The following SERGEF variants were observed in gnomAD, a reference collection of about 807,000 sequenced individuals.
The protein encoded by SERGEF is secretion regulating guanine nucleotide exchange factor, also known as secretion-regulating guanine nucleotide exchange factor.
In SERGEF, 51 loss-of-function variants were observed where a neutral mutation model predicts 50.0. That is an observed-to-expected ratio of 1.02 (90% confidence interval 0.81 to 1.29). The LOEUF (loss-of-function observed/expected upper bound fraction) is 1.29, where lower values mean the gene tolerates loss of function less well. Ranked by LOEUF, SERGEF falls within the 50% of genes most tolerant of loss-of-function variation. The pLI is 0.00. For synonymous variants in SERGEF, 205 were observed against 212.4 expected, an observed-to-expected ratio of 0.97 and a Z score of 0.30; for missense variants, 521 against 557.0, an observed-to-expected ratio of 0.94 and a Z score of 0.65.
Position 17,959,467 on chromosome 11 carries a change from T to C in SERGEF, c.1011+3A>G. 1 of 1,612,292 alleles carries C rather than the reference T, an allele frequency of 6.2e-7. No individual in the cohort carries two copies. Among genetic ancestry groups the C allele is most frequent in the Non-Finnish European group, 8.5e-7 (1 of 1,179,208 alleles). ...ATTACATCTGTGAGAAGTCACTTCC[T>C]ACCTCAGTTGCTCCAGTTAAGCAAT... On this transcript the variant is annotated splice_donor_region_variant and intron_variant, in intron 9 of 10. Transcript: ENST00000265965.
At chr11:17,916,883 C>G (rs1289956635) in intron 9 of SERGEF, among the ~76,000 whole-genome samples, 2 of 152,156 alleles carry the variant, frequency 1.3e-5, no homozygotes, top group Non-Finnish European at 2.9e-5. Flanking sequence ...AAAGTGTGGT[C>G]CCTAAATCAG....
intron 4 of SERGEF, among the ~76,000 whole-genome samples, chr11:18,001,069 C>A (rs537607426): frequency 1.3e-5 from 2 of 152,208 alleles, no homozygotes; most frequent in Non-Finnish European, 2.9e-5. Context: ...AAACACCTAC[C>A]CCCAGTGACA....
chr11:17,972,791 A>G (rs989576190), intron 8 of SERGEF, among the ~76,000 whole-genome samples: 3 of 152,086 alleles, frequency 2.0e-5, no homozygotes, highest in African/African-American at 7.2e-5. Flanking sequence ...GGAAGAGCAG[A>G]CAGGTGATGT....
chr11:17,999,792 T>C (rs894527517), intron 5 of SERGEF, among the ~76,000 whole-genome samples: 1 of 152,216 alleles, frequency 6.6e-6, no homozygotes, highest in African/African-American at 2.4e-5. Context: ...ATATGAGCCT[T>C]AGGATCCAAA....
At position 18,007,987 on chromosome 11, in the gene SERGEF, A is replaced by C. The variant is rs1854118798; in HGVS notation, c.150T>G (p.Ser50Arg). The C allele has an allele frequency of 1.2e-6, 2 of 1,613,560 alleles. No individual in the cohort carries two copies. The highest frequency in any genetic ancestry group is 3.3e-4 in the Middle Eastern group (2 of 6,058). ...CCCCTCCTCCTGTGATCCTCCTGAC[A>C]CTCCTGGGTTTACAGAAGTCATTCA... ...QQLNDFCKPRSVRRITGGGGH... is the reference protein window; with the variant it reads ...QQLNDFCKPRRVRRITGGGGH... The change falls in exon 2 of 11, where the codon AGT becomes AGG. Residue 50 changes from serine (S) to arginine (R), a missense_variant. Coordinates refer to ENST00000265965, the MANE Select transcript of SERGEF (RefSeq NM_012139.4).
chr11:17,836,222 C>A (rs1850394193), intron 10 of SERGEF, among the ~76,000 whole-genome samples: 1 of 152,226 alleles, frequency 6.6e-6, no homozygotes, highest in Non-Finnish European at 1.5e-5. Flanking sequence ...CTTAGCCCAG[C>A]ACATTTTATC....
chr11:17,991,109 T>C lies in SERGEF; in HGVS notation c.685+1822A>G, dbSNP rs1277310274. On this transcript the variant is annotated intron_variant, in intron 7 of 10. Transcript: ENST00000265965. This position sits in a 1 kb window ranked among gnomAD's most constrained non-coding sequence, Gnocchi z 4.9. The stretch of plus-strand genomic sequence containing the variant: ...CCAGCAGGGCTATTAATCTCCATAA[T>C]CTTTAGCTCATTTTCAAAATATCAA... 6.6e-6 allele frequency among the ~76,000 whole-genome samples: 1 copy of C among 152,222 alleles called. No individual in the cohort carries two copies. Among genetic ancestry groups the C allele is most frequent in the African/African-American group, 2.4e-5 (1 of 41,456 alleles).
At chr11:17,878,187 A>G (rs1851272840) in intron 10 of SERGEF, 21 bp downstream of exon 10, 2 of 1,536,342 alleles carry the variant, frequency 1.3e-6, no homozygotes, top group African/African-American at 2.7e-5. Flanking sequence ...AGAAACAGTT[A>G]TCAGTATAAA....
At chr11:17,958,706 T>C (rs1852927676) in intron 9 of SERGEF, among the ~76,000 whole-genome samples, 1 of 152,116 alleles carries the variant, frequency 6.6e-6, no homozygotes, top group Non-Finnish European at 1.5e-5. Flanking sequence ...AACCACCAAG[T>C]AGTCCCCAAA....
At chr11:17,885,453 C>G (rs768242302) in intron 9 of SERGEF, among the ~76,000 whole-genome samples, 2 of 151,954 alleles carry the variant, frequency 1.3e-5, no homozygotes, top group African/African-American at 2.4e-5. Flanking sequence ...TCCTGAGTAG[C>G]GAGGACTACA....
At chr11:17,987,401 C>G (rs1853623701) in intron 8 of SERGEF, among the ~76,000 whole-genome samples, 1 of 152,202 alleles carries the variant, frequency 6.6e-6, no homozygotes, top group South Asian at 2.1e-4. Flanking sequence ...TCAACAATTA[C>G]AAACATACAA....
chr11:17,970,195 G>A (rs942684289), intron 8 of SERGEF, among the ~76,000 whole-genome samples: 6 of 152,086 alleles, frequency 3.9e-5, no homozygotes, highest in Non-Finnish European at 7.4e-5. Context: ...GCCATTTTTC[G>A]AACAGCATGT....
chr11:17,994,691 G>A (rs117235256), intron 6 of SERGEF, among the ~76,000 whole-genome samples: 2,767 of 152,162 alleles, frequency 0.018, 39 homozygotes, highest in Non-Finnish European at 0.03. Flanking sequence ...ATGTGAAGTG[G>A]ACTACCTGTC....
chr11:17,881,493 C>A (rs1308547121), intron 9 of SERGEF, among the ~76,000 whole-genome samples: 1 of 152,210 alleles, frequency 6.6e-6, no homozygotes, highest in African/African-American at 2.4e-5. Context: ...GTTATACTCC[C>A]TCAGTGAAAC....
intron 8 of SERGEF, among the ~76,000 whole-genome samples, chr11:17,974,145 C>G (rs1853317509): frequency 6.6e-6 from 1 of 152,158 alleles, no homozygotes; most frequent in Non-Finnish European, 1.5e-5. Flanking sequence ...GGACGGCCAC[C>G]TTTCCCTTCC....
At chr11:17,900,931 C>G (rs1290751089) in intron 9 of SERGEF, among the ~76,000 whole-genome samples, 1 of 152,154 alleles carries the variant, frequency 6.6e-6, no homozygotes, top group Admixed American at 6.5e-5. Context: ...TGGTGGCAGT[C>G]GTGGTGAAGA....
intron 8 of SERGEF, among the ~76,000 whole-genome samples, chr11:17,977,369 C>T (rs974212027): frequency 6.6e-5 from 10 of 152,056 alleles, no homozygotes; most frequent in Admixed American, 1.3e-4. Flanking sequence ...ATCACAGAGA[C>T]GAGCATTCCT....
At chr11:17,988,449 G>T in intron 8 of SERGEF, 148 bp downstream of exon 8, 4 of 694,906 alleles carry the variant, frequency 5.8e-6, no homozygotes, top group Admixed American at 3.4e-5. Flanking sequence ...CACATATCTG[G>T]CTGGTGGCAG....
intron 9 of SERGEF, among the ~76,000 whole-genome samples, chr11:17,916,078 CTG>C (rs1852043567): frequency 6.6e-6 from 1 of 152,134 alleles, no homozygotes; most frequent in South Asian, 2.1e-4. Context: ...TCTTAAAAGT[CTG>C]TGGAATCACA....
Sources: allele counts gnomAD v4.1 joint callset (sites outside exome capture counted in the v4.1 genomes callset), GRCh38; gene constraint gnomAD v4.1.1; non-coding constraint Gnocchi (gnomAD v3.1); transcripts MANE v1.5; gene names NCBI Gene and HGNC (gene_info 2026-07-23, HGNC 2026-07-21).